The following PARD3B variants were observed in gnomAD, a reference collection of about 807,000 sequenced individuals.
PARD3B encodes the protein partitioning defective 3 homolog B.
A neutral mutation model predicts 130.2 loss-of-function variants in PARD3B; 103 were observed. The observed-to-expected ratio is 0.79, with a 90% confidence interval of 0.67 to 0.93. The LOEUF (loss-of-function observed/expected upper bound fraction) is 0.93, where lower values mean the gene tolerates loss of function less well. Ranked by LOEUF, PARD3B falls within the 40% of genes least tolerant of loss-of-function variation. The pLI is 0.00. For missense variants in PARD3B, 1,609 were observed against 1,499.2 expected (o/e 1.07, Z -1.21); for synonymous variants, 583 against 553.2 (o/e 1.05, Z -0.76).
chr2:205,392,091 T>C (rs1184140455), intron 18 of PARD3B, among the ~76,000 whole-genome samples: 1 of 152,224 alleles, frequency 6.6e-6, no homozygotes, highest in Non-Finnish European at 1.5e-5. Context: ...TTTTAACGTA[T>C]CTGGTATTTC....
At chr2:204,821,891 G>A (rs2043373930) in intron 2 of PARD3B, among the ~76,000 whole-genome samples, 2 of 151,978 alleles carry the variant, frequency 1.3e-5, no homozygotes, top group Non-Finnish European at 1.5e-5. Flanking sequence ...CCAGTCTCAG[G>A]TTTGTCTTTA....
intron 4 of PARD3B, among the ~76,000 whole-genome samples, chr2:205,054,782 AACTT>A (rs1385282149): frequency 1.3e-5 from 2 of 152,002 alleles, no homozygotes; most frequent in Non-Finnish European, 2.9e-5. Flanking sequence ...GTCCTCAAGA[AACTT>A]ACAACCTCGT....
At chr2:205,136,645 C>T (rs13009494) in intron 10 of PARD3B, among the ~76,000 whole-genome samples, 64 of 152,112 alleles carry the variant, frequency 4.2e-4, no homozygotes, top group Non-Finnish European at 7.8e-4. Context: ...CTTGACTTCC[C>T]ACTGGAGGAG....
At chr2:204,792,333 G>A (rs1184911214) in intron 2 of PARD3B, among the ~76,000 whole-genome samples, 1 of 151,960 alleles carries the variant, frequency 6.6e-6, no homozygotes, top group East Asian at 1.9e-4. Context: ...TTATCCCTTT[G>A]AACCTGCTTC....
chr2:204,945,369 G>T (rs1689234614), intron 2 of PARD3B, among the ~76,000 whole-genome samples: 1 of 152,192 alleles, frequency 6.6e-6, no homozygotes, highest in African/African-American at 2.4e-5. Flanking sequence ...TCAGATCCTT[G>T]CTGGGCCCTT....
At chr2:205,614,343 C>T (rs2055343596) in intron 22 of PARD3B, among the ~76,000 whole-genome samples, 1 of 152,162 alleles carries the variant, frequency 6.6e-6, no homozygotes, top group South Asian at 2.1e-4. Flanking sequence ...TTTGGCATTT[C>T]CCTATTCTGC....
chr2:204,873,840 T>C (rs531503088), intron 2 of PARD3B, among the ~76,000 whole-genome samples: 7 of 151,882 alleles, frequency 4.6e-5, no homozygotes, highest in Non-Finnish European at 1.0e-4. Flanking sequence ...GAAGGGCAGA[T>C]AGGAATAAAA....
Position 204,545,949 on chromosome 2 carries a change from CG to C in PARD3B, c.-47del. On this transcript the variant is annotated 5_prime_UTR_variant, in exon 1 of 23. Transcript: ENST00000406610. ...CCTCCGAGAGTGGGGGCTGCGCCCG[CG>C]GGGTCAGACACCTGTTCGGCCCGGC... 3 of 1,480,668 alleles carry C rather than the reference CG, an allele frequency of 2.0e-6. No individual in the cohort carries two copies. Among genetic ancestry groups the C allele is most frequent in the Non-Finnish European group, 2.7e-6 (3 of 1,116,802 alleles). 91.7% of individuals were successfully genotyped at this position (1,480,668 alleles called of 1,614,324 possible).
In PARD3B at chr2:205,301,919, A is replaced by G; in HGVS notation, c.2630+218A>G. On this transcript the variant is annotated intron_variant, in intron 18 of 22. Coordinates refer to ENST00000406610, the MANE Select transcript of PARD3B (RefSeq NM_001302769.2). The surrounding 1 kb of genome is among the most constrained non-coding windows in gnomAD (Gnocchi z 5.2). ...GGACACTGTCTTAAGTTTGTTGTCA[A>G]AGAAAGGTCAACACTATGCCAGGCA... 1 of 757,616 alleles carries G rather than the reference A, an allele frequency of 1.3e-6. No individual in the cohort carries two copies. Among genetic ancestry groups the G allele is most frequent in the Non-Finnish European group, 2.3e-6 (1 of 429,494 alleles). The allele number at this position is 757,616 out of a possible 1,614,324, so 46.9% of individuals were successfully genotyped here.
intron 20 of PARD3B, among the ~76,000 whole-genome samples, chr2:205,490,303 C>T (rs1158937784): frequency 2.0e-5 from 3 of 151,840 alleles, no homozygotes; most frequent in Non-Finnish European, 4.4e-5. Flanking sequence ...GTGATGTTCC[C>T]CTTCCTGTGT....
At chr2:204,698,602 G>T (rs1004439355) in intron 2 of PARD3B, among the ~76,000 whole-genome samples, 3 of 151,604 alleles carry the variant, frequency 2.0e-5, no homozygotes, top group African/African-American at 7.3e-5. Context: ...CTATTAAGAT[G>T]TGTTTGTCAT....
chr2:205,079,721 T>A (rs1298479041), intron 4 of PARD3B, among the ~76,000 whole-genome samples: 2 of 152,224 alleles, frequency 1.3e-5, no homozygotes, highest in Non-Finnish European at 2.9e-5. Context: ...ATTCTAAGTA[T>A]ACATAAATAA....
chr2:205,308,928 A>T (rs2042279886), intron 18 of PARD3B, among the ~76,000 whole-genome samples: 1 of 152,246 alleles, frequency 6.6e-6, no homozygotes, highest in African/African-American at 2.4e-5. Context: ...GAATGGTGTC[A>T]TCCCACCCTT....
At chr2:204,612,843 A>T (rs1366135647) in intron 1 of PARD3B, among the ~76,000 whole-genome samples, 1 of 144,086 alleles carries the variant, frequency 6.9e-6, no homozygotes, top group Non-Finnish European at 1.5e-5. Flanking sequence ...TTGATTTTTA[A>T]TATTAAGACC....
chr2:204,996,367 G>C (rs1694177949), intron 3 of PARD3B, among the ~76,000 whole-genome samples: 2 of 152,062 alleles, frequency 1.3e-5, no homozygotes, highest in Non-Finnish European at 2.9e-5. Context: ...GCCCCTGCTG[G>C]GGGGTGCCTC....
intron 16 of PARD3B, among the ~76,000 whole-genome samples, chr2:205,271,116 A>T (rs1176183715): frequency 2.0e-5 from 3 of 152,222 alleles, no homozygotes; most frequent in African/African-American, 4.8e-5. Context: ...GCTTACCTGA[A>T]GTGTACCTTA....
At chr2:204,803,307 TAAAAG>T (rs1165466898) in intron 2 of PARD3B, among the ~76,000 whole-genome samples, 2 of 151,658 alleles carry the variant, frequency 1.3e-5, no homozygotes, top group African/African-American at 2.4e-5. Flanking sequence ...AATATGAAAT[TAAAAG>T]ACATTAATAA....
At chr2:204,829,708 G>A (rs1179906398) in intron 2 of PARD3B, among the ~76,000 whole-genome samples, 1 of 152,108 alleles carries the variant, frequency 6.6e-6, no homozygotes, top group Non-Finnish European at 1.5e-5. Context: ...GTTTAAAAAT[G>A]TGTAGCACTG....
intron 15 of PARD3B, among the ~76,000 whole-genome samples, chr2:205,214,840 G>A (rs1193710485): frequency 6.6e-6 from 1 of 152,024 alleles, no homozygotes; most frequent in Non-Finnish European, 1.5e-5. Context: ...ATATCTAAAT[G>A]TGTATCCCTT....
Sources: allele counts gnomAD v4.1 joint callset (sites outside exome capture counted in the v4.1 genomes callset), GRCh38; gene constraint gnomAD v4.1.1; non-coding constraint Gnocchi (gnomAD v3.1); transcripts MANE v1.5; gene names NCBI Gene and HGNC (gene_info 2026-07-23, HGNC 2026-07-21).